The following SLC66A2 variants were observed in gnomAD, a reference collection of about 807,000 sequenced individuals.
SLC66A2 encodes PQ loop repeat containing 1.
A neutral mutation model predicts 25.5 loss-of-function variants in SLC66A2; 23 were observed. The ratio of observed to expected loss-of-function variants is 0.90; its 90% CI spans 0.65 to 1.28. The LOEUF is 1.28. Ranked by LOEUF, SLC66A2 falls within the 50% of genes most tolerant of loss-of-function variation. The pLI is 0.00. For missense variants in SLC66A2, 396 were observed against 373.1 expected (o/e 1.06, Z -0.51); for synonymous variants, 193 against 166.5 (o/e 1.16, Z -1.23).
At chr18:79,950,181 C>G (rs886229744) in intron 2 of SLC66A2, among the ~76,000 whole-genome samples, 1 of 152,004 alleles carries the variant, frequency 6.6e-6, no homozygotes, top group Non-Finnish European at 1.5e-5. Context: ...CCCCCACTCC[C>G]CTGTCTCTAC....
At chr18:79,932,232 G>A (rs1986638044) in intron 4 of SLC66A2, among the ~76,000 whole-genome samples, 1 of 152,112 alleles carries the variant, frequency 6.6e-6, no homozygotes. Context: ...AGTATAGGAT[G>A]CAGGTAAAGC....
chr18:79,939,901 T>C lies in SLC66A2; in HGVS notation c.337+3428A>G, dbSNP rs550772731. Among the ~76,000 whole-genome samples, 6 of 152,316 alleles carry C rather than the reference T, an allele frequency of 3.9e-5. No homozygotes were observed. In the East Asian group the frequency reaches 7.7e-4, roughly 20 times the overall value. ...GCCAGGAATATAAATCGCTCTACTATAGACACATGCACACATATGTTCACT... is the reference window on the plus strand; with the variant it reads ...GCCAGGAATATAAATCGCTCTACTACAGACACATGCACACATATGTTCACT... On this transcript the variant is annotated intron_variant, in intron 3 of 5. Coordinates refer to ENST00000397778, the MANE Select transcript of SLC66A2 (RefSeq NM_025078.5).
In SLC66A2 at chr18:79,937,750, C is replaced by G. The variant is rs1987246635; in HGVS notation, c.338-3728G>C. Among the ~76,000 whole-genome samples, 1 of 152,142 alleles carries G rather than the reference C, an allele frequency of 6.6e-6. No individual in the cohort carries two copies. Among genetic ancestry groups the G allele is most frequent in the South Asian group, 2.1e-4 (1 of 4,836 alleles). ...GGGTCCGCTATCTTTTTAAAATGCT[C>G]TTTCACAGAAAGAGCCAAGGACAGA... On this transcript the variant is annotated intron_variant, in intron 3 of 5. Coordinates refer to ENST00000397778, the MANE Select transcript of SLC66A2 (RefSeq NM_025078.5). The surrounding 1 kb of genome is among the most constrained non-coding windows in gnomAD (Gnocchi z 5.4).
chr18:79,915,040 C>CT (rs1983788411), intron 5 of SLC66A2, among the ~76,000 whole-genome samples: 1 of 152,240 alleles, frequency 6.6e-6, no homozygotes, highest in Admixed American at 6.5e-5. Context: ...GTCCTGTTCC[C>CT]TTTCCCGTTT....
intron 1 of SLC66A2, among the ~76,000 whole-genome samples, 160 bp downstream of exon 1, chr18:79,951,421 C>T (rs1348115225): frequency 1.3e-5 from 2 of 151,214 alleles, no homozygotes; most frequent in African/African-American, 4.9e-5. Context: ...GGGCGCAGGC[C>T]CAGGATGGGG....
In SLC66A2 at chr18:79,941,390, C is replaced by T. The variant is rs1238715067; in HGVS notation, c.337+1939G>A. 6.6e-6 allele frequency: 1 copy of T among 152,312 alleles called. No homozygotes were observed. The highest frequency in any genetic ancestry group is 6.5e-5 in the Admixed American group (1 of 15,272). The allele number at this position is 152,312 out of a possible 1,614,324, so 9.4% of individuals were successfully genotyped here. On this transcript the variant is annotated intron_variant, in intron 3 of 5. Coordinates refer to ENST00000397778, the MANE Select transcript of SLC66A2 (RefSeq NM_025078.5). This position sits in a 1 kb window ranked among gnomAD's most constrained non-coding sequence, Gnocchi z 4.1. ...AGAGTCTCTCTGCCATGTACAGTGG[C>T]ACGTCACAGGTTCCCAGGATCAGGG...
In SLC66A2 at chr18:79,917,047, A is replaced by G. The variant is rs1254288641; in HGVS notation, c.608+2137T>C. The stretch of plus-strand genomic sequence containing the variant: ...GGAAGTGTGTGTGCTGCTTGTGGTG[A>G]AGTGAGTGAGAACAGGAAAAGCACG... On this transcript the variant is annotated intron_variant, in intron 5 of 5. Transcript: ENST00000397778. The surrounding 1 kb of genome is among the most constrained non-coding windows in gnomAD (Gnocchi z 6.0). Among the ~76,000 whole-genome samples, 1 of 152,208 alleles carries G rather than the reference A, an allele frequency of 6.6e-6. No homozygotes were observed. Among genetic ancestry groups the G allele is most frequent in the African/African-American group, 2.4e-5 (1 of 41,456 alleles).
rs1347731184 is a variant in SLC66A2, at chr18:79,904,308, G to A, written c.609-125C>T. ...TCAGGGGCACCCAGGGGGCTAAGGG[G>A]ACCCCCAGGCAGTCGGCGGGGAGGC... On this transcript the variant is annotated intron_variant, in intron 5 of 5. Coordinates refer to ENST00000397778, the MANE Select transcript of SLC66A2 (RefSeq NM_025078.5). This position sits in a 1 kb window ranked among gnomAD's most constrained non-coding sequence, Gnocchi z 6.3. 2 of 855,500 alleles carry A rather than the reference G, an allele frequency of 2.3e-6. No individual in the cohort carries two copies. Among genetic ancestry groups the A allele is most frequent in the African/African-American group, 1.7e-5 (1 of 58,242 alleles). 53.0% of individuals were successfully genotyped at this position (855,500 alleles called of 1,614,324 possible).
In SLC66A2 at chr18:79,943,345, C is replaced by T. The variant is rs750910076; in HGVS notation, c.321G>A (p.Arg107=). 5.6e-5 allele frequency: 91 copies of T among 1,614,054 alleles called. No homozygotes were observed. Among genetic ancestry groups the T allele is most frequent in the Non-Finnish European group, 6.9e-5 (82 of 1,180,034 alleles). ...EVRVANELNA[R]RRSFTAADSK... ...GCCACCAACCTGTAAAGGAGCGGCG[C>T]CTGGCGTTGAGCTCGTTGGCCACAC... is the stretch of plus-strand genomic sequence containing the variant. Residue 107 remains arginine (R), a synonymous_variant, in exon 3 of 6, where the codon AGG becomes AGA. Transcript: ENST00000397778.
chr18:79,928,442 G>A (rs942780158), intron 4 of SLC66A2, among the ~76,000 whole-genome samples: 4 of 152,312 alleles, frequency 2.6e-5, no homozygotes, highest in Admixed American at 1.3e-4. Context: ...AGAAACAACA[G>A]AGGCAGTAGG....
At chr18:79,943,656 G>A in intron 2 of SLC66A2, 194 bp from the exon 3 acceptor site, 1 of 598,242 alleles carries the variant, frequency 1.7e-6, no homozygotes, top group South Asian at 2.2e-5. Context: ...CCTGCAGCGG[G>A]AGACACCTGG....
intron 4 of SLC66A2, among the ~76,000 whole-genome samples, chr18:79,929,410 C>A (rs1254857533): frequency 6.6e-6 from 1 of 152,156 alleles, no homozygotes; most frequent in East Asian, 1.9e-4. Flanking sequence ...TGCACTAGTC[C>A]AGCCAAATCA....
chr18:79,927,906 C>T lies in SLC66A2; in HGVS notation c.391+6063G>A, dbSNP rs1229205293. On this transcript the variant is annotated intron_variant, in intron 4 of 5. Transcript: ENST00000397778. This position sits in a 1 kb window ranked among gnomAD's most constrained non-coding sequence, Gnocchi z 6.2. ...TGCTGAGACACATTCCTGCAGCCGC[C>T]TCAGCTAGAGCCAGGGAGGCCCTGG... Among the ~76,000 whole-genome samples the T allele has an allele frequency of 1.3e-5, 2 of 152,270 alleles. No individual in the cohort carries two copies. Among genetic ancestry groups the T allele is most frequent in the African/African-American group, 4.8e-5 (2 of 41,472 alleles).
rs761180564 is a variant in SLC66A2, at chr18:79,917,513, G to A, written c.608+1671C>T. Among the ~76,000 whole-genome samples, 1 of 152,154 alleles carries A rather than the reference G, an allele frequency of 6.6e-6. No homozygotes were observed. Among genetic ancestry groups the A allele is most frequent in the East Asian group, 1.9e-4 (1 of 5,178 alleles). On this transcript the variant is annotated intron_variant, in intron 5 of 5. Coordinates refer to ENST00000397778, the MANE Select transcript of SLC66A2 (RefSeq NM_025078.5). The surrounding 1 kb of genome is among the most constrained non-coding windows in gnomAD (Gnocchi z 6.0). Reference sequence around the variant, plus strand: ...CTCCAGGTCGCAAGCTCGGCACGCGGGCACTGCCCACAGGATCTCCAGCTG... The same window carrying A: ...CTCCAGGTCGCAAGCTCGGCACGCGAGCACTGCCCACAGGATCTCCAGCTG...
At chr18:79,916,163 C>CTG (rs1568302092) in intron 5 of SLC66A2, among the ~76,000 whole-genome samples, 2 of 78,012 alleles carry the variant, frequency 2.6e-5, no homozygotes, top group African/African-American at 7.4e-5. Flanking sequence ...GCTCTCGTAC[C>CTG]CGCAGTGCTC....
Position 79,949,339 on chromosome 18 carries a change from A to G in SLC66A2, c.203+1385T>C, listed in dbSNP as rs1466389093. Among the ~76,000 whole-genome samples, 3 of 152,176 alleles carry G rather than the reference A, an allele frequency of 2.0e-5. 1 individual carries two copies. In the East Asian group the frequency reaches 5.8e-4, roughly 29 times the overall value. On this transcript the variant is annotated intron_variant, in intron 2 of 5. Transcript: ENST00000397778. ...ACACGAAAGGGGTGTATTTCATGGAATGCAAATCACACCTCAATAAGGTTG... is the reference window on the plus strand; with the variant it reads ...ACACGAAAGGGGTGTATTTCATGGAGTGCAAATCACACCTCAATAAGGTTG...
At chr18:79,912,635 G>A (rs543129516) in intron 5 of SLC66A2, among the ~76,000 whole-genome samples, 119 of 152,248 alleles carry the variant, frequency 7.8e-4, no homozygotes, top group Non-Finnish European at 1.4e-3. Flanking sequence ...AGGCTGGGGC[G>A]GTGGGAATGA....
At chr18:79,923,042 G>C (rs543648087) in intron 4 of SLC66A2, among the ~76,000 whole-genome samples, 2 of 151,668 alleles carry the variant, frequency 1.3e-5, no homozygotes, top group African/African-American at 4.8e-5. Flanking sequence ...GACGCTGCTC[G>C]GCATCCGAGC....
chr18:79,948,247 C>G (rs1353934258), intron 2 of SLC66A2, among the ~76,000 whole-genome samples: 1 of 152,244 alleles, frequency 6.6e-6, no homozygotes, highest in East Asian at 1.9e-4. Flanking sequence ...AGCTTCAAAC[C>G]TCTACGTCAG....
Sources: gnomAD v4.1 joint callset for allele counts (sites outside exome capture counted in the v4.1 genomes callset) on GRCh38, gnomAD v4.1.1 for gene constraint, Gnocchi (gnomAD v3.1) non-coding constraint, MANE v1.5 for transcripts, NCBI Gene and HGNC (gene_info 2026-07-23, HGNC 2026-07-21) for gene names.